Variants in NCKAP5 observed in about 807,000 individuals in gnomAD.
The protein encoded by NCKAP5 is nck-associated protein 5.
In NCKAP5, 92 loss-of-function variants were observed where a neutral mutation model predicts 167.0. The ratio of observed to expected loss-of-function variants is 0.55; its 90% CI spans 0.47 to 0.66. NCKAP5 has a LOEUF of 0.66. NCKAP5 is among the 30% of genes least tolerant of loss of function. The probability of loss-of-function intolerance (pLI) is 0.00; values close to 1 mark genes in which losing one functional copy is unlikely to be tolerated. For missense variants in NCKAP5, 2,378 were observed against 2,315.0 expected (o/e 1.03, Z -0.56); for synonymous variants, 891 against 877.4 (o/e 1.02, Z -0.27).
At chr2:133,621,224 A>G in the NCKAP5 span, among the ~76,000 whole-genome samples, 9 of 152,154 alleles carry the variant, frequency 5.9e-5, no homozygotes, top group Admixed American at 4.6e-4. Flanking sequence ...TGCAGAAACA[A>G]GTACAATCCA....
chr2:133,144,123 G>A (rs1288986981), intron 5 of NCKAP5, among the ~76,000 whole-genome samples: 1 of 152,114 alleles, frequency 6.6e-6, no homozygotes, highest in Non-Finnish European at 1.5e-5. Context: ...GTTAGGCCAA[G>A]ATTATCACAC....
At chr2:133,355,671 A>G (rs1156654153) in intron 3 of NCKAP5, among the ~76,000 whole-genome samples, 7 of 151,896 alleles carry the variant, frequency 4.6e-5, no homozygotes, top group African/African-American at 1.7e-4. Flanking sequence ...ATACCCACAT[A>G]CCTGGGAAAA....
intron 4 of NCKAP5, among the ~76,000 whole-genome samples, chr2:133,226,360 A>T (rs2086890522): frequency 6.6e-6 from 1 of 152,110 alleles, no homozygotes; most frequent in East Asian, 1.9e-4. Flanking sequence ...GATGAGTGAG[A>T]CTCAGTTCCT....
chr2:133,105,719 G>C (rs1006038481), intron 6 of NCKAP5, among the ~76,000 whole-genome samples: 1 of 152,190 alleles, frequency 6.6e-6, no homozygotes, highest in African/African-American at 2.4e-5. Context: ...AGTGCCGAGT[G>C]GTGTTCAACA....
intron 2 of NCKAP5, among the ~76,000 whole-genome samples, chr2:133,546,644 C>A (rs1271039292): frequency 6.6e-6 from 1 of 152,022 alleles, no homozygotes; most frequent in Non-Finnish European, 1.5e-5. Context: ...ATGCCTGTTC[C>A]CAGCACCAGC....
At chr2:132,984,162 T>C (rs989063303) in intron 7 of NCKAP5, among the ~76,000 whole-genome samples, 1 of 152,114 alleles carries the variant, frequency 6.6e-6, no homozygotes, top group Non-Finnish European at 1.5e-5. Context: ...ATCTTCAAGA[T>C]CATGGAGTTG....
At chr2:132,875,370 C>G (rs892065224) in intron 9 of NCKAP5, among the ~76,000 whole-genome samples, 3 of 152,196 alleles carry the variant, frequency 2.0e-5, no homozygotes, top group Non-Finnish European at 4.4e-5. Flanking sequence ...CACCTACCCG[C>G]TGCTCCTCCT....
In NCKAP5 at chr2:133,370,854, G is replaced by A. The variant is rs1414498426; in HGVS notation, c.70-67744C>T. 2.6e-5 allele frequency among the ~76,000 whole-genome samples: 4 copies of A among 151,868 alleles called. No individual in the cohort carries two copies. The East Asian group carries it at 7.7e-4, about 29-fold the overall frequency. On this transcript the variant is annotated intron_variant, in intron 3 of 19. Transcript: ENST00000409261. ...TTTGGTTTACTCTTCTCCAGGGAGG[G>A]CCCTACTTAGAAGTTATGGGATATG...
intron 3 of NCKAP5, among the ~76,000 whole-genome samples, chr2:133,381,933 G>C (rs542808031): frequency 1.9e-4 from 29 of 152,308 alleles, no homozygotes; most frequent in Admixed American, 1.6e-3. Context: ...CCCACAAAGG[G>C]GAAAGCTCCT....
intron 3 of NCKAP5, among the ~76,000 whole-genome samples, chr2:133,309,950 T>C (rs1681112366): frequency 6.6e-6 from 1 of 152,176 alleles, no homozygotes; most frequent in Admixed American, 6.5e-5. Context: ...CTGCCAGCAA[T>C]TTTGTGACTA....
At chr2:133,279,049 T>TA (rs992886851) in intron 4 of NCKAP5, among the ~76,000 whole-genome samples, 3 of 152,218 alleles carry the variant, frequency 2.0e-5, no homozygotes, top group African/African-American at 7.2e-5. Context: ...TGCAGTCTTA[T>TA]ACATTGCTGG....
At chr2:133,208,296 C>T (rs1286155908) in intron 5 of NCKAP5, among the ~76,000 whole-genome samples, 1 of 152,090 alleles carries the variant, frequency 6.6e-6, no homozygotes, top group Admixed American at 6.5e-5. Flanking sequence ...TGACACTGTA[C>T]CGCTGCATTC....
rs111891562 is a variant in NCKAP5 at position 133,285,861 on chromosome 2, C to T, written c.143+17176G>A. On this transcript the variant is annotated intron_variant, in intron 4 of 19. Transcript: ENST00000409261. ...AATATTCCTTAACATTGAAATTATA[C>T]ATGTTAAATTAATTATTGTTCATTT... Among the ~76,000 whole-genome samples the T allele has an allele frequency of 9.0e-3, 1,369 of 152,294 alleles. 28 individuals are homozygous for T. The highest frequency in any genetic ancestry group is 0.031 in the African/African-American group (1,285 of 41,548).
In NCKAP5 at chr2:133,558,995, CAGTATTATTAATATGTATTAAT is replaced by C. The variant is rs1243824619; in HGVS notation, c.-62+33_-62+54del. The C allele has an allele frequency of 4.6e-5, 7 of 151,924 alleles. No homozygotes were observed. In the East Asian group the frequency reaches 7.7e-4, roughly 17 times the overall value. The allele number at this position is 151,924 out of a possible 1,614,324, so 9.4% of individuals were successfully genotyped here. A position where few individuals can be genotyped will look rare whatever the true frequency, so the allele number is the denominator to read the frequency against. On this transcript the variant is annotated intron_variant, in intron 2 of 19. Transcript: ENST00000409261. ...CAATGATAAGAGCCAATAATGAGAA[CAGTATTATTAATATGTATTAAT>C]AGTATTATTAATAACGTATTAATAC... is the stretch of plus-strand genomic sequence containing the variant.
At chr2:132,959,998 C>T (rs2076464177) in intron 8 of NCKAP5, among the ~76,000 whole-genome samples, 1 of 152,096 alleles carries the variant, frequency 6.6e-6, no homozygotes, top group Non-Finnish European at 1.5e-5. Flanking sequence ...GGCACCAGGA[C>T]CCTAAACACA....
intron 17 of NCKAP5, among the ~76,000 whole-genome samples, 199 bp from the exon 18 acceptor site, chr2:132,729,151 G>A (rs1574013125): frequency 6.6e-6 from 1 of 152,134 alleles, no homozygotes; most frequent in Non-Finnish European, 1.5e-5. Context: ...ATCTATAGAA[G>A]CCCCTTTTCA....
intron 5 of NCKAP5, among the ~76,000 whole-genome samples, chr2:133,132,967 C>T (rs4954028): frequency 9.2e-5 from 14 of 152,058 alleles, no homozygotes; most frequent in Non-Finnish European, 1.6e-4. Flanking sequence ...TTAGCCACCA[C>T]GCCCAGCCTG....
the NCKAP5 span, among the ~76,000 whole-genome samples, chr2:133,615,246 G>C: frequency 0.14 from 21,428 of 150,454 alleles, 1,951 homozygotes; most frequent in South Asian, 0.19. Flanking sequence ...ATCAACTAAT[G>C]AGCAAAATAA....
intron 3 of NCKAP5, among the ~76,000 whole-genome samples, chr2:133,341,228 A>C (rs927597793): frequency 6.6e-6 from 1 of 152,040 alleles, no homozygotes. Context: ...CATAAAAATG[A>C]CCAACTGGGT....
Sources: allele counts gnomAD v4.1 joint callset (sites outside exome capture counted in the v4.1 genomes callset), GRCh38; gene constraint gnomAD v4.1.1; transcripts MANE v1.5; gene names NCBI Gene and HGNC (gene_info 2026-07-23, HGNC 2026-07-21).